The following TXNRD3 variants were observed in gnomAD, a reference collection of about 807,000 sequenced individuals.
TXNRD3 encodes the protein thioredoxin reductase 3, also known as TXNRD3 neighbor gene protein.
Under a neutral mutation model 78.2 loss-of-function variants are expected in TXNRD3, and 68 were observed. That is an observed-to-expected ratio of 0.87 (90% confidence interval 0.72 to 1.06). The LOEUF (loss-of-function observed/expected upper bound fraction) is 1.06, where lower values mean the gene tolerates loss of function less well. Among genes scored for constraint, TXNRD3 ranks in the 50% least tolerant of loss-of-function variants. TXNRD3 has a pLI of 0.00. For missense variants in TXNRD3, 751 were observed against 809.5 expected (o/e 0.93, Z 0.88); for synonymous variants, 296 against 300.1 (o/e 0.99, Z 0.14).
intron 1 of TXNRD3, among the ~76,000 whole-genome samples, chr3:126,648,493 C>T (rs965671959): frequency 6.6e-6 from 1 of 152,208 alleles, no homozygotes; most frequent in African/African-American, 2.4e-5. Context: ...GGCATAAAGA[C>T]AGGCTTATGG....
At chr3:126,629,876 T>C (rs1252412369) in intron 9 of TXNRD3, among the ~76,000 whole-genome samples, 1 of 152,254 alleles carries the variant, frequency 6.6e-6, no homozygotes, top group African/African-American at 2.4e-5. Flanking sequence ...CAAGTGGCAA[T>C]TTCTAGTAGG....
rs146103984 is a variant in TXNRD3, at chr3:126,640,516, T to A, written c.712+1516A>T. Among the ~76,000 whole-genome samples the A allele has an allele frequency of 1.5e-3, 228 of 152,238 alleles. 2 individuals are homozygous for A. Among genetic ancestry groups the A allele is most frequent in the Non-Finnish European group, 6.2e-4 (42 of 68,032 alleles). On this transcript the variant is annotated intron_variant, in intron 6 of 15. Coordinates refer to ENST00000524230, the MANE Select transcript of TXNRD3 (RefSeq NM_052883.3). Reference sequence around the variant, plus strand: ...ATATCCTACCATGACCTGGATGCCCTGTCATAATCACCTGGCTACGGTCAG... The same window carrying A: ...ATATCCTACCATGACCTGGATGCCCAGTCATAATCACCTGGCTACGGTCAG...
chr3:126,637,346 A>C (rs1261320094), intron 6 of TXNRD3, among the ~76,000 whole-genome samples: 1 of 151,914 alleles, frequency 6.6e-6, no homozygotes, highest in East Asian at 1.9e-4. Flanking sequence ...TTTGCCAAAC[A>C]TTTGCCTATT....
At chr3:126,609,092 C>G (rs1938130229) in intron 14 of TXNRD3, 1 of 388,732 alleles carries the variant, frequency 2.6e-6, no homozygotes, top group African/African-American at 2.1e-5. Flanking sequence ...GGCTGTCACC[C>G]AGGGCTGTGT....
At chr3:126,638,095 C>T (rs1932953186) in intron 6 of TXNRD3, among the ~76,000 whole-genome samples, 1 of 151,854 alleles carries the variant, frequency 6.6e-6, no homozygotes, top group African/African-American at 2.4e-5. Context: ...AGGCGCATGC[C>T]ACCATGCCTG....
chr3:126,642,032 C>T lies in TXNRD3; in HGVS notation c.712G>A (p.Val238Met). 1 of 1,532,964 alleles carries T rather than the reference C, an allele frequency of 6.5e-7. No homozygotes were observed. Among genetic ancestry groups the T allele is most frequent in the Non-Finnish European group, 8.7e-7 (1 of 1,145,896 alleles). 95.0% of individuals were successfully genotyped at this position (1,532,964 alleles called of 1,614,324 possible). A position where few individuals can be genotyped will look rare whatever the true frequency, so the allele number is the denominator to read the frequency against. The change falls in exon 6 of 16, where the codon GTG (valine) becomes ATG (methionine). Residue 238 changes from valine (V) to methionine (M), a missense_variant and splice_region_variant. Physicochemically the swap from Val to Met is conservative, Grantham distance 21 (BLOSUM62 1). Coordinates refer to ENST00000524230, the MANE Select transcript of TXNRD3 (RefSeq NM_052883.3). ...CTATACTTTATGAACCATTACTCAC[C>T]TTGTTGATTATATTCCCAGCCAAAT... is the stretch of plus-strand genomic sequence containing the variant.
chr3:126,635,508 G>C (rs1167098854), intron 6 of TXNRD3, among the ~76,000 whole-genome samples: 1 of 152,126 alleles, frequency 6.6e-6, no homozygotes, highest in Non-Finnish European at 1.5e-5. Context: ...TTTAAATACT[G>C]AGAAAGGTCA....
Position 126,654,801 on chromosome 3 carries a change from C to T in TXNRD3, c.190G>A (p.Glu64Lys), listed in dbSNP as rs1488814223. 3 of 1,431,254 alleles carry T rather than the reference C, an allele frequency of 2.1e-6. No homozygotes were observed. The highest frequency in any genetic ancestry group is 2.6e-5 in the Admixed American group (1 of 38,062). 88.7% of individuals were successfully genotyped at this position (1,431,254 alleles called of 1,614,324 possible). Reference sequence around the variant, plus strand: ...CTGAAGATCACCACCCGGCTGCGCTCGATGAGGCCCACGAGGTGGCGGCGC... The same window carrying T: ...CTGAAGATCACCACCCGGCTGCGCTTGATGAGGCCCACGAGGTGGCGGCGC... Residue 64 changes from glutamate to lysine, a missense_variant, in exon 1 of 16, where the codon GAG becomes AAG. Glu to Lys is a moderately conservative substitution (Grantham distance 56). Transcript: ENST00000524230.
intron 10 of TXNRD3, among the ~76,000 whole-genome samples, chr3:126,622,875 C>A (rs1938490431): frequency 6.6e-6 from 1 of 152,032 alleles, no homozygotes. Flanking sequence ...GTGCCTTAAT[C>A]CAGTATGACT....
At chr3:126,608,232 A>C (rs1307170148) in intron 15 of TXNRD3, among the ~76,000 whole-genome samples, 1 of 152,080 alleles carries the variant, frequency 6.6e-6, no homozygotes, top group African/African-American at 2.4e-5. Flanking sequence ...ATGGTGGTGC[A>C]CACCTGTAGT....
chr3:126,612,921 C>T (rs1337564736), intron 13 of TXNRD3, among the ~76,000 whole-genome samples: 4 of 152,154 alleles, frequency 2.6e-5, no homozygotes, highest in African/African-American at 4.8e-5. Flanking sequence ...CTAATTCTTA[C>T]GAGCATTTGA....
intron 7 of TXNRD3, among the ~76,000 whole-genome samples, chr3:126,633,077 T>G (rs1460845406): frequency 2.0e-5 from 3 of 152,234 alleles, no homozygotes; most frequent in African/African-American, 7.2e-5. Flanking sequence ...TATTATATTT[T>G]TTTAGGGGTG....
intron 10 of TXNRD3, among the ~76,000 whole-genome samples, chr3:126,623,819 C>T (rs1422174946): frequency 8.2e-6 from 1 of 121,972 alleles, no homozygotes; most frequent in Non-Finnish European, 1.6e-5. Flanking sequence ...CTAATCAACA[C>T]TGTATTGGAG....
chr3:126,634,067 C>T lies in TXNRD3; in HGVS notation c.713-16G>A. 6.7e-7 allele frequency: 1 copy of T among 1,488,024 alleles called. No homozygotes were observed. The highest frequency in any genetic ancestry group is 1.4e-5 in the African/African-American group (1 of 71,622). 92.2% of individuals were successfully genotyped at this position (1,488,024 alleles called of 1,614,324 possible). ...TTGTGCCTCACTAAGAAGAAATAAT[C>T]AGGGTGAAGATGTTAGGTGAATTTT... On this transcript the variant is annotated splice_polypyrimidine_tract_variant and intron_variant, in intron 6 of 15. Transcript: ENST00000524230.
intron 1 of TXNRD3, 104 bp from the exon 2 acceptor site, chr3:126,647,400 C>T: frequency 1.2e-6 from 1 of 838,904 alleles, no homozygotes; most frequent in Non-Finnish European, 1.8e-6. Flanking sequence ...TCTGGAGGAA[C>T]AGGAGTTCTA....
rs559413834 is a variant in TXNRD3, at chr3:126,654,451, A to C, written c.243+297T>G. 2.0e-5 allele frequency among the ~76,000 whole-genome samples: 3 copies of C among 152,336 alleles called. No homozygotes were observed. The South Asian group carries it at 6.2e-4, about 32-fold the overall frequency. ...GTTAAGGCAGTGTGCATGAAGCTGA[A>C]ATTACCTCAGTCGTCCTAACAACCT... On this transcript the variant is annotated intron_variant, in intron 1 of 15. Coordinates refer to ENST00000524230, the MANE Select transcript of TXNRD3 (RefSeq NM_052883.3).
At chr3:126,615,533 T>C (rs570039657) in intron 12 of TXNRD3, 71 bp from the exon 13 acceptor site, 1 of 739,162 alleles carries the variant, frequency 1.4e-6, no homozygotes, top group East Asian at 2.9e-5. Flanking sequence ...TGCATATATT[T>C]ATATAAAGAA....
chr3:126,615,327 T>C, intron 13 of TXNRD3, 28 bp downstream of exon 13: 1 of 1,169,730 alleles, frequency 8.5e-7, no homozygotes, highest in Non-Finnish European at 1.2e-6. Flanking sequence ...AGAGAATTTT[T>C]TAAGGAAGTA....
At chr3:126,627,468 G>A (rs1223006124) in intron 10 of TXNRD3, among the ~76,000 whole-genome samples, 1 of 152,120 alleles carries the variant, frequency 6.6e-6, no homozygotes. Context: ...AAAGGAGTGT[G>A]GATTACATGA....
Sources: gnomAD v4.1 joint callset for allele counts (sites outside exome capture counted in the v4.1 genomes callset) on GRCh38, gnomAD v4.1.1 for gene constraint, MANE v1.5 for transcripts, NCBI Gene and HGNC (gene_info 2026-07-23, HGNC 2026-07-21) for gene names.